Variants in KCNQ3 observed in about 807,000 individuals in gnomAD.
The protein encoded by KCNQ3 is potassium voltage-gated channel subfamily Q member 3, also known as potassium voltage-gated channel subfamily KQT member 3.
A neutral mutation model predicts 92.5 loss-of-function variants in KCNQ3; 30 were observed. That is an observed-to-expected ratio of 0.32 (90% confidence interval 0.24 to 0.44). KCNQ3 has a LOEUF of 0.44. KCNQ3 is among the 20% of genes least tolerant of loss of function. The pLI is 1.00. For missense variants in KCNQ3, 913 were observed against 1,140.3 expected (o/e 0.80, Z 2.87); for synonymous variants, 450 against 468.8 (o/e 0.96, Z 0.52).
At chr8:132,145,670 A>G (rs951559958) in intron 9 of KCNQ3, among the ~76,000 whole-genome samples, 3 of 152,258 alleles carry the variant, frequency 2.0e-5, no homozygotes, top group Non-Finnish European at 4.4e-5. Context: ...GATAAAGTCA[A>G]GAAGACATAT....
chr8:132,349,239 G>T (rs778129138), intron 1 of KCNQ3, among the ~76,000 whole-genome samples: 2 of 152,210 alleles, frequency 1.3e-5, no homozygotes, highest in African/African-American at 2.4e-5. Flanking sequence ...GGCAGCATGT[G>T]TGGCTAAGTA....
chr8:132,196,311 G>A (rs576837066), intron 1 of KCNQ3, among the ~76,000 whole-genome samples: 2 of 152,212 alleles, frequency 1.3e-5, no homozygotes, highest in Admixed American at 6.5e-5. Flanking sequence ...TGTCCCCTAG[G>A]AGCTAATTGT....
chr8:132,309,330 C>T (rs1178004521), intron 1 of KCNQ3, among the ~76,000 whole-genome samples: 1 of 152,194 alleles, frequency 6.6e-6, no homozygotes, highest in East Asian at 1.9e-4. Flanking sequence ...TTATCTCCTG[C>T]TGCTCATTAA....
chr8:132,394,979 C>T (rs892107002), intron 1 of KCNQ3, among the ~76,000 whole-genome samples: 2 of 152,180 alleles, frequency 1.3e-5, no homozygotes, highest in Admixed American at 1.3e-4. Flanking sequence ...GGCCTGCCTC[C>T]CTGACAACCA....
intron 1 of KCNQ3, among the ~76,000 whole-genome samples, chr8:132,235,798 C>T (rs1049104574): frequency 1.3e-5 from 2 of 152,158 alleles, no homozygotes; most frequent in Non-Finnish European, 2.9e-5. Context: ...TAGATCTCAG[C>T]CAAAATATCA....
chr8:132,376,039 G>C (rs560552893), intron 1 of KCNQ3, among the ~76,000 whole-genome samples: 1 of 152,212 alleles, frequency 6.6e-6, no homozygotes. Flanking sequence ...CGTATCTCTT[G>C]TCAGGCCCTC....
chr8:132,180,386 G>A (rs1425255192), intron 3 of KCNQ3, 57 bp from the exon 4 acceptor site: 13 of 1,590,488 alleles, frequency 8.2e-6, no homozygotes, highest in Non-Finnish European at 1.0e-5. Flanking sequence ...TCATGCGAAA[G>A]CAATGGCGTC....
At position 132,252,854 on chromosome 8, in the gene KCNQ3, A is replaced by G. The variant is rs1481318434; in HGVS notation, c.387-66673T>C. ...CGACCCAGGAAGACCAGCTGGCTTCACCTCTCAGGCCTAGTGTTCTTCTAT... is the reference window on the plus strand; with the variant it reads ...CGACCCAGGAAGACCAGCTGGCTTCGCCTCTCAGGCCTAGTGTTCTTCTAT... On this transcript the variant is annotated intron_variant, in intron 1 of 14. Coordinates refer to ENST00000388996, the MANE Select transcript of KCNQ3 (RefSeq NM_004519.4). 2.6e-5 allele frequency among the ~76,000 whole-genome samples: 4 copies of G among 152,262 alleles called. No individual in the cohort carries two copies. In the South Asian group the frequency reaches 8.3e-4, roughly 32 times the overall value.
intron 1 of KCNQ3, among the ~76,000 whole-genome samples, chr8:132,399,123 T>C (rs1248085692): frequency 6.6e-6 from 1 of 152,230 alleles, no homozygotes; most frequent in African/African-American, 2.4e-5. Context: ...CAGATACGAT[T>C]TACAAATTTA....
intron 1 of KCNQ3, among the ~76,000 whole-genome samples, chr8:132,472,092 T>A (rs1822310402): frequency 6.6e-6 from 1 of 152,112 alleles, no homozygotes; most frequent in African/African-American, 2.4e-5. Context: ...ATGGTCATTA[T>A]TAAAAAGGCA....
At chr8:132,415,387 C>T (rs543806192) in intron 1 of KCNQ3, among the ~76,000 whole-genome samples, 1 of 152,318 alleles carries the variant, frequency 6.6e-6, no homozygotes, top group African/African-American at 2.4e-5. Context: ...TTTCCTCTAA[C>T]ATGGTGCTTA....
At chr8:132,230,415 T>G (rs1225906267) in intron 1 of KCNQ3, among the ~76,000 whole-genome samples, 2 of 148,766 alleles carry the variant, frequency 1.3e-5, no homozygotes, top group African/African-American at 5.1e-5. Context: ...AAGAGACAGC[T>G]GCTGCTGCCA....
intron 1 of KCNQ3, among the ~76,000 whole-genome samples, chr8:132,319,180 T>C (rs1266017703): frequency 6.6e-6 from 1 of 152,116 alleles, no homozygotes; most frequent in South Asian, 2.1e-4. Flanking sequence ...TGTTAGGAAA[T>C]ATACAAACAA....
At position 132,140,185 on chromosome 8, in the gene KCNQ3, G is replaced by A; in HGVS notation, c.1466-7C>T. 6.2e-7 allele frequency: 1 copy of A among 1,605,922 alleles called. No homozygotes were observed. Among genetic ancestry groups the A allele is most frequent in the Non-Finnish European group, 8.5e-7 (1 of 1,173,218 alleles). ...GGGTCACCTGTCCCGGCATCTGGGA[G>A]GGAGACACACATATGAACGGCAGGC... On this transcript the variant is annotated splice_polypyrimidine_tract_variant and splice_region_variant and intron_variant, in intron 10 of 14. Coordinates refer to ENST00000388996, the MANE Select transcript of KCNQ3 (RefSeq NM_004519.4).
At chr8:132,458,414 G>T (rs1028350186) in intron 1 of KCNQ3, among the ~76,000 whole-genome samples, 1 of 152,112 alleles carries the variant, frequency 6.6e-6, no homozygotes, top group Non-Finnish European at 1.5e-5. Flanking sequence ...CACAAAACCC[G>T]CCAATCAACT....
At position 132,326,771 on chromosome 8, in the gene KCNQ3, A is replaced by C. The variant is rs190250273; in HGVS notation, c.387-140590T>G. Among the ~76,000 whole-genome samples the C allele has an allele frequency of 2.3e-3, 350 of 152,316 alleles. 2 individuals carry two copies. Among genetic ancestry groups the C allele is most frequent in the Non-Finnish European group, 4.1e-3 (278 of 68,024 alleles). On this transcript the variant is annotated intron_variant, in intron 1 of 14. Coordinates refer to ENST00000388996, the MANE Select transcript of KCNQ3 (RefSeq NM_004519.4). ...TTGTCTTGGGCTTCCAGCCTCTAGA[A>C]CCATGAGAAATAAAGTTATGTTCTT... is the stretch of plus-strand genomic sequence containing the variant.
intron 1 of KCNQ3, among the ~76,000 whole-genome samples, chr8:132,270,634 G>A (rs535156602): frequency 2.0e-5 from 3 of 152,004 alleles, no homozygotes; most frequent in East Asian, 1.9e-4. Flanking sequence ...TACTTTTTTT[G>A]TTCTCTACCA....
At chr8:132,174,452 G>T in intron 5 of KCNQ3, 103 bp from the exon 6 acceptor site, 1 of 870,158 alleles carries the variant, frequency 1.1e-6, no homozygotes, top group Non-Finnish European at 1.9e-6. Flanking sequence ...CTTGGGCAAT[G>T]CTCCCATTCA....
chr8:132,246,778 G>A (rs1815194291), intron 1 of KCNQ3, among the ~76,000 whole-genome samples: 1 of 152,116 alleles, frequency 6.6e-6, no homozygotes, highest in Non-Finnish European at 1.5e-5. Context: ...TCTCATCCCA[G>A]CATTACGTCC....
Sources: gnomAD v4.1 joint callset for allele counts (sites outside exome capture counted in the v4.1 genomes callset) on GRCh38, gnomAD v4.1.1 for gene constraint, MANE v1.5 for transcripts, NCBI Gene and HGNC (gene_info 2026-07-23, HGNC 2026-07-21) for gene names.